GALK2: variants seen among roughly 807,000 people sequenced by gnomAD.
GALK2 encodes the protein galactokinase 2, also known as N-acetylgalactosamine kinase.
GALK2 carries 36 observed loss-of-function variants against 52.4 expected under a neutral mutation model. The ratio of observed to expected loss-of-function variants is 0.69; its 90% CI spans 0.53 to 0.91. GALK2 has a LOEUF of 0.91. GALK2 is among the 40% of genes least tolerant of loss of function. The pLI, the probability that GALK2 is intolerant of heterozygous loss-of-function variation, is 0.00. For synonymous variants in GALK2, 176 were observed against 199.1 expected, an observed-to-expected ratio of 0.88 and a Z score of 0.98; for missense variants, 579 against 559.1, an observed-to-expected ratio of 1.04 and a Z score of -0.36.
chr15:49,216,374 G>A (rs577601868), intron 2 of GALK2, among the ~76,000 whole-genome samples: 9 of 152,238 alleles, frequency 5.9e-5, no homozygotes, highest in Admixed American at 4.6e-4. Flanking sequence ...GCTTTACTTC[G>A]ACTGAGCTGG....
chr15:49,286,474 T>C (rs1445493228), intron 7 of GALK2, among the ~76,000 whole-genome samples: 1 of 152,178 alleles, frequency 6.6e-6, no homozygotes, highest in Non-Finnish European at 1.5e-5. Flanking sequence ...TTCTATCCTC[T>C]GAGGTTGGGA....
chr15:49,183,800 A>T (rs11632386), intron 1 of GALK2, among the ~76,000 whole-genome samples: 1 of 150,494 alleles, frequency 6.6e-6, no homozygotes, highest in Non-Finnish European at 1.5e-5. Context: ...CCAAGATCAC[A>T]CCATTGCACT....
chr15:49,328,097 G>C lies in GALK2; in HGVS notation c.1315G>C (p.Glu439Gln). 6.2e-7 allele frequency: 1 copy of C among 1,614,086 alleles called. No homozygotes were observed. The highest frequency in any genetic ancestry group is 8.5e-7 in the Non-Finnish European group (1 of 1,180,002). ...YQRSDGSLAP[E>Q]KQSLFATKPG... ...GAGGAGTGATGGAAGCTTAGCACCG[G>C]AGAAGCAAAGTTTGTTTGCTACCAA... The change falls in exon 10 of 10, where the codon GAG (glutamate) becomes CAG (glutamine). Residue 439 changes from glutamate (E) to glutamine (Q), a missense_variant. Glu to Gln is a conservative substitution (Grantham distance 29, BLOSUM62 2). Coordinates refer to ENST00000560031, the MANE Select transcript of GALK2 (RefSeq NM_002044.4).
chr15:49,366,575 G>A, intron 3 of GALK2: 2 of 1,598,006 alleles, frequency 1.3e-6, no homozygotes, highest in Non-Finnish European at 1.7e-6. Flanking sequence ...GTCCTTGGAT[G>A]TGCCATTTCC....
At chr15:49,321,343 G>A (rs2036856404) in intron 9 of GALK2, among the ~76,000 whole-genome samples, 1 of 152,214 alleles carries the variant, frequency 6.6e-6, no homozygotes. Context: ...ATGAAGTAAG[G>A]AAGGAAGTGG....
intron 9 of GALK2, among the ~76,000 whole-genome samples, chr15:49,321,794 A>G (rs1567061580): frequency 6.6e-6 from 1 of 152,220 alleles, no homozygotes; most frequent in African/African-American, 2.4e-5. Context: ...TGGGTCATAC[A>G]TACGTGTGTG....
chr15:49,242,644 G>A (rs2091156174), intron 5 of GALK2, among the ~76,000 whole-genome samples: 1 of 152,196 alleles, frequency 6.6e-6, no homozygotes, highest in South Asian at 2.1e-4. Flanking sequence ...TGTGGAACTT[G>A]TTAATTCATT....
At chr15:49,365,679 G>T (rs2045033923) in intron 3 of GALK2, 1 of 956,824 alleles carries the variant, frequency 1.0e-6, no homozygotes, top group Middle Eastern at 3.0e-4. Flanking sequence ...ACTTGAAGCT[G>T]GCCAACTTCA....
intron 9 of GALK2, among the ~76,000 whole-genome samples, chr15:49,321,615 A>G (rs946277975): frequency 5.9e-5 from 9 of 152,152 alleles, no homozygotes; most frequent in African/African-American, 1.9e-4. Flanking sequence ...AGTACCATAA[A>G]ATATTAGATC....
chr15:49,357,923 C>G (rs200224063), intron 3 of GALK2, among the ~76,000 whole-genome samples: 24,250 of 151,598 alleles, frequency 0.16, 3,000 homozygotes, highest in African/African-American at 0.34. Context: ...GGATGCAAGG[C>G]TGGTTCAATA....
chr15:49,208,033 A>T (rs1280748637), intron 2 of GALK2, among the ~76,000 whole-genome samples: 1 of 152,148 alleles, frequency 6.6e-6, no homozygotes, highest in African/African-American at 2.4e-5. Flanking sequence ...TCAGCCTCCC[A>T]AAGTGCTGGG....
chr15:49,228,687 A>ATATGTATTTTT (rs1555409061), intron 3 of GALK2, among the ~76,000 whole-genome samples: 1 of 14,274 alleles, frequency 7.0e-5, no homozygotes, highest in East Asian at 1.3e-3. Flanking sequence ...ATATATATAT[A>ATATGTATTTTT]TTTTTTTTTT....
In GALK2 at chr15:49,287,565, A is replaced by G. The variant is rs75112929; in HGVS notation, c.756+3847A>G. Among the ~76,000 whole-genome samples the G allele has an allele frequency of 7.2e-5, 11 of 152,320 alleles. No homozygotes were observed. In the East Asian group the frequency reaches 1.9e-3, roughly 27 times the overall value. On this transcript the variant is annotated intron_variant, in intron 7 of 9. Transcript: ENST00000560031. ...CATTTTTGGCAACATGTGAATGAATATAATTATTGTTTGAAGATGGTCTCA... is the reference window on the plus strand; with the variant it reads ...CATTTTTGGCAACATGTGAATGAATGTAATTATTGTTTGAAGATGGTCTCA...
At chr15:49,294,476 T>C (rs2034271847) in intron 8 of GALK2, among the ~76,000 whole-genome samples, 1 of 152,128 alleles carries the variant, frequency 6.6e-6, no homozygotes, top group Admixed American at 6.5e-5. Context: ...TGTGTGTGTG[T>C]TGTATAGGTA....
chr15:49,253,846 T>G, intron 5 of GALK2, among the ~76,000 whole-genome samples: 1 of 143,892 alleles, frequency 6.9e-6, no homozygotes, highest in Non-Finnish European at 1.6e-5. Context: ...CCAAGCATCA[T>G]CATCATCATC....
At position 49,254,501 on chromosome 15, in the gene GALK2, C is replaced by T. The variant is rs534932883; in HGVS notation, c.504+15134C>T. ...AGACCTTTTCATTGTAATGAAAGTG[C>T]TCCTTTTTATTTTTATAATTTAATT... On this transcript the variant is annotated intron_variant, in intron 5 of 9. Coordinates refer to ENST00000560031, the MANE Select transcript of GALK2 (RefSeq NM_002044.4). Among the ~76,000 whole-genome samples the T allele has an allele frequency of 1.4e-5, 2 of 143,988 alleles. 1 individual carries two copies. Among genetic ancestry groups the T allele is most frequent in the South Asian group, 4.5e-4 (2 of 4,436 alleles). The allele number at this position is 143,988 out of a possible 152,430, so 94.5% of individuals were successfully genotyped here.
At chr15:49,216,842 A>T (rs1363445838) in intron 2 of GALK2, among the ~76,000 whole-genome samples, 1 of 152,170 alleles carries the variant, frequency 6.6e-6, no homozygotes, top group Non-Finnish European at 1.5e-5. Flanking sequence ...CCCCAAACAC[A>T]GTTTCTCTGT....
intron 9 of GALK2, among the ~76,000 whole-genome samples, chr15:49,323,985 G>T (rs760511628): frequency 6.6e-6 from 1 of 152,138 alleles, no homozygotes; most frequent in Non-Finnish European, 1.5e-5. Flanking sequence ...TAAACAGAAA[G>T]AAATGACTAA....
In GALK2 at chr15:49,170,293, A is replaced by G. The variant is rs1216463306; in HGVS notation, c.-30A>G. On this transcript the variant is annotated 5_prime_UTR_variant, in exon 1 of 10. Coordinates refer to ENST00000560031, the MANE Select transcript of GALK2 (RefSeq NM_002044.4). ...TGGGAGCTTTGCTTAGACACTTGAA[A>G]CTACAGGAGAAAGAAGGATCTAGCG... The G allele has an allele frequency of 6.4e-7, 1 of 1,567,834 alleles. No homozygotes were observed. Among genetic ancestry groups the G allele is most frequent in the South Asian group, 1.2e-5 (1 of 84,978 alleles).
Sources: allele counts gnomAD v4.1 joint callset (sites outside exome capture counted in the v4.1 genomes callset), GRCh38; gene constraint gnomAD v4.1.1; transcripts MANE v1.5; gene names NCBI Gene and HGNC (gene_info 2026-07-23, HGNC 2026-07-21).